The following TERT variants were observed in gnomAD, a reference collection of about 807,000 sequenced individuals.
The protein encoded by TERT is telomerase reverse transcriptase.
A neutral mutation model predicts 104.0 loss-of-function variants in TERT; 42 were observed. The observed-to-expected ratio is 0.40, with a 90% confidence interval of 0.32 to 0.52. The LOEUF (loss-of-function observed/expected upper bound fraction) is 0.52. TERT is among the 20% of genes least tolerant of loss of function. The probability of loss-of-function intolerance (pLI) is 0.43; values close to 1 mark genes in which losing one functional copy is unlikely to be tolerated. For missense variants in TERT, 1,101 were observed against 1,610.3 expected, an observed-to-expected ratio of 0.68 and a Z score of 5.41; for synonymous variants, 781 against 725.6, an observed-to-expected ratio of 1.08 and a Z score of -1.23.
intron 2 of TERT, 40 bp downstream of exon 2, chr5:1,293,273 G>A: frequency 1.2e-6 from 2 of 1,609,196 alleles, no homozygotes; most frequent in Non-Finnish European, 1.7e-6. Context: ...ACTGCATTCA[G>A]CTCTGGGGCC....
In TERT at chr5:1,294,370, C is replaced by A; in HGVS notation, c.516G>T (p.Gly172=). ...VAPSCAYQVC[G]PPLYQLGAAT... ...CAGCGCCGAGCTGGTACAGCGGCGG[C>A]CCGCACACCTGGTAGGCGCAGCTGG... The change falls in exon 2 of 16, where the codon GGG becomes GGT. Residue 172 remains glycine (G), a synonymous_variant. Transcript: ENST00000310581. 1 of 1,576,508 alleles carries A rather than the reference C, an allele frequency of 6.3e-7. No homozygotes were observed. The highest frequency in any genetic ancestry group is 1.8e-5 in the Admixed American group (1 of 56,726).
chr5:1,290,547 C>G (rs1241286174), intron 2 of TERT, among the ~76,000 whole-genome samples: 1 of 61,634 alleles, frequency 1.6e-5, no homozygotes, highest in Non-Finnish European at 3.0e-5. Flanking sequence ...CAGGGACACC[C>G]GGGGACGGTG....
At chr5:1,284,320 T>C (rs1750302689) in intron 2 of TERT, among the ~76,000 whole-genome samples, 1 of 105,536 alleles carries the variant, frequency 9.5e-6, no homozygotes, top group Admixed American at 9.3e-5. Flanking sequence ...CAGCAGGGCC[T>C]GGCGACCTCA....
chr5:1,291,601 A>G (rs1389575662), intron 2 of TERT, among the ~76,000 whole-genome samples: 17 of 120,070 alleles, frequency 1.4e-4, no homozygotes, highest in Admixed American at 3.3e-4. Context: ...ACACCCGGGG[A>G]CAGTGCCTCA....
chr5:1,275,962 C>A (rs112605347), intron 6 of TERT, among the ~76,000 whole-genome samples: 56 of 145,188 alleles, frequency 3.9e-4, no homozygotes, highest in African/African-American at 1.4e-3. Flanking sequence ...TCCACAGATC[C>A]CCACCTACCC....
chr5:1,281,972 C>T (rs1318731511), intron 3 of TERT, among the ~76,000 whole-genome samples: 1 of 152,076 alleles, frequency 6.6e-6, no homozygotes, highest in Non-Finnish European at 1.5e-5. Context: ...CCTGTAATCC[C>T]AGCTACTTAG....
chr5:1,267,722 A>G (rs887754059), intron 9 of TERT, among the ~76,000 whole-genome samples: 1 of 152,210 alleles, frequency 6.6e-6, no homozygotes, highest in Non-Finnish European at 1.5e-5. Context: ...CTCTGAGCAA[A>G]CTATTGCAAG....
At position 1,261,088 on chromosome 5, in the gene TERT, C is replaced by G. The variant is rs1017766887; in HGVS notation, c.2844-488G>C. Among the ~76,000 whole-genome samples, 1 of 152,176 alleles carries G rather than the reference C, an allele frequency of 6.6e-6. No homozygotes were observed. Among genetic ancestry groups the G allele is most frequent in the Non-Finnish European group, 1.5e-5 (1 of 68,042 alleles). On this transcript the variant is annotated intron_variant, in intron 11 of 15. Transcript: ENST00000310581. This position sits in a 1 kb window ranked among gnomAD's most constrained non-coding sequence, Gnocchi z 7.4. ...GGCTCCAGTGAGTGCACGTGGCACACATGGTGTCTCCAGAGGGGCAGGATG... is the reference window on the plus strand; with the variant it reads ...GGCTCCAGTGAGTGCACGTGGCACAGATGGTGTCTCCAGAGGGGCAGGATG...
Position 1,268,438 on chromosome 5 carries a change from G to C in TERT, c.2582+82C>G. On this transcript the variant is annotated intron_variant, in intron 9 of 15. Transcript: ENST00000310581. This position sits in a 1 kb window ranked among gnomAD's most constrained non-coding sequence, Gnocchi z 5.5. Reference sequence around the variant, plus strand: ...CAAGACAGAGCAGTCATGGTCTCCAGAGCACCAGGAATATTAACACTGAAT... The same window carrying C: ...CAAGACAGAGCAGTCATGGTCTCCACAGCACCAGGAATATTAACACTGAAT... 9.1e-7 allele frequency: 1 copy of C among 1,093,976 alleles called. No homozygotes were observed. The allele number at this position is 1,093,976 out of a possible 1,614,324, so 67.8% of individuals were successfully genotyped here.
intron 11 of TERT, 118 bp downstream of exon 11, chr5:1,264,286 T>C: frequency 8.8e-7 from 1 of 1,136,038 alleles, no homozygotes; most frequent in Non-Finnish European, 1.3e-6. Flanking sequence ...CTGTGGCCTC[T>C]GACCCTTTGG....
chr5:1,284,050 T>C (rs1479238190), intron 2 of TERT, among the ~76,000 whole-genome samples: 76 of 72,222 alleles, frequency 1.1e-3, no homozygotes, highest in South Asian at 1.5e-3. Flanking sequence ...ACCATCCGGA[T>C]ACAGCACATC....
intron 6 of TERT, among the ~76,000 whole-genome samples, 194 bp downstream of exon 6, chr5:1,278,441 CCACACA>C (rs112536335): frequency 1.8e-4 from 28 of 151,402 alleles, no homozygotes; most frequent in Admixed American, 6.6e-5. Context: ...CACACACGTG[CCACACA>C]CACACACACC....
At position 1,253,668 on chromosome 5, in the gene TERT, G is replaced by C; in HGVS notation, c.*60C>G. ...GCCGCCCCTCCCTCCCTGGGACGTA[G>C]AGCCCGGCGTGACAGGGCTGCTGGT... On this transcript the variant is annotated 3_prime_UTR_variant, in exon 16 of 16. Transcript: ENST00000310581. 6.2e-6 allele frequency: 9 copies of C among 1,451,034 alleles called. No individual in the cohort carries two copies. The highest frequency in any genetic ancestry group is 2.3e-5 in the East Asian group (1 of 43,298). The allele number at this position is 1,451,034 out of a possible 1,614,324, so 89.9% of individuals were successfully genotyped here. A position where few individuals can be genotyped will look rare whatever the true frequency, so the allele number is the denominator to read the frequency against.
rs1042447238 is a variant in TERT, at chr5:1,253,823, G to C, written c.3304C>G (p.Gln1102Glu). 6.2e-7 allele frequency: 1 copy of C among 1,609,660 alleles called. No homozygotes were observed. The highest frequency in any genetic ancestry group is 8.5e-7 in the Non-Finnish European group (1 of 1,178,984). Residue 1102 changes from glutamine (Q) to glutamate (E), a missense_variant, in exon 16 of 16, where the codon CAG becomes GAG. Coordinates refer to ENST00000310581, the MANE Select transcript of TERT (RefSeq NM_198253.3). ...GTCCCCGGGAGCTTCCGACTCAGCT[G>C]CGTCTGGGCTGCGGGGCCAAAATCA... is the stretch of plus-strand genomic sequence containing the variant. ...LLGSLRTAQT[Q>E]LSRKLPGTTL...
In TERT at chr5:1,272,365, T is replaced by C. The variant is rs1579565148; in HGVS notation, c.2287-85A>G. On this transcript the variant is annotated intron_variant, in intron 6 of 15. Transcript: ENST00000310581. ...ACTTGTTTCTTCCGATCAGGACGTG[T>C]GGACCTGCGGCCAAGCCCGATGGCG... 4.1e-6 allele frequency: 5 copies of C among 1,217,808 alleles called. No homozygotes were observed. In the East Asian group the frequency reaches 1.0e-4, roughly 25 times the overall value. 75.4% of individuals were successfully genotyped at this position (1,217,808 alleles called of 1,614,324 possible). A position where few individuals can be genotyped will look rare whatever the true frequency, so the allele number is the denominator to read the frequency against.
rs2126592699 is a variant in TERT at position 1,263,689 on chromosome 5, A to G, written c.2843+715T>C. 6.6e-6 allele frequency among the ~76,000 whole-genome samples: 1 copy of G among 152,348 alleles called. No homozygotes were observed. The highest frequency in any genetic ancestry group is 1.5e-5 in the Non-Finnish European group (1 of 68,032). Reference sequence around the variant, plus strand: ...CCAAAGTGCTGGGATTATAGGTGTGAGCCACCTTGCCCTGCCTGGAATGTT... The same window carrying G: ...CCAAAGTGCTGGGATTATAGGTGTGGGCCACCTTGCCCTGCCTGGAATGTT... On this transcript the variant is annotated intron_variant, in intron 11 of 15. Transcript: ENST00000310581. This position sits in a 1 kb window ranked among gnomAD's most constrained non-coding sequence, Gnocchi z 5.3.
intron 3 of TERT, among the ~76,000 whole-genome samples, chr5:1,281,240 T>C (rs1423136179): frequency 6.6e-6 from 1 of 152,262 alleles, no homozygotes; most frequent in African/African-American, 2.4e-5. Flanking sequence ...TGTATTAACT[T>C]GTTCCCACAG....
At position 1,255,297 on chromosome 5, in the gene TERT, G is replaced by C; in HGVS notation, c.3147C>G (p.Ala1049=). ...TASLCYSILK[A]KNAGMSLGAK... ...GGCACCTGCACATACCTGCGTTCTT[G>C]GCTTTCAGGATGGAGTAGCAGAGGG... Residue 1049 remains alanine (A), a synonymous_variant, in exon 14 of 16, where the codon GCC becomes GCG. Coordinates refer to ENST00000310581, the MANE Select transcript of TERT (RefSeq NM_198253.3). This position sits in a 1 kb window ranked among gnomAD's most constrained non-coding sequence, Gnocchi z 6.9. 3 of 1,613,942 alleles carry C rather than the reference G, an allele frequency of 1.9e-6. No individual in the cohort carries two copies. The highest frequency in any genetic ancestry group is 2.5e-6 in the Non-Finnish European group (3 of 1,179,900).
intron 5 of TERT, 147 bp from the exon 6 acceptor site, chr5:1,278,943 CCT>C (rs1251206411): frequency 2.6e-6 from 3 of 1,136,816 alleles, no homozygotes; most frequent in Non-Finnish European, 3.8e-6. Context: ...GGCTGTGTCC[CCT>C]CTCTGAGCCT....
Sources: allele counts gnomAD v4.1 joint callset (sites outside exome capture counted in the v4.1 genomes callset), GRCh38; gene constraint gnomAD v4.1.1; non-coding constraint Gnocchi (gnomAD v3.1); transcripts MANE v1.5; gene names NCBI Gene and HGNC (gene_info 2026-07-23, HGNC 2026-07-21).